POU1F1: variants seen among roughly 807,000 people sequenced by gnomAD.
The protein encoded by POU1F1 is pituitary-specific positive transcription factor 1.
A neutral mutation model predicts 32.3 loss-of-function variants in POU1F1; 23 were observed. That is an observed-to-expected ratio of 0.71 (90% CI 0.51 to 1.01). The LOEUF is 1.01. Ranked by LOEUF, POU1F1 falls within the 50% of genes least tolerant of loss-of-function variation. The probability of loss-of-function intolerance (pLI) is 0.00; values close to 1 mark genes in which losing one functional copy is unlikely to be tolerated. For synonymous variants in POU1F1, 120 were observed against 115.6 expected, an observed-to-expected ratio of 1.04 and a Z score of -0.25; for missense variants, 323 against 341.6, an observed-to-expected ratio of 0.95 and a Z score of 0.43.
At position 87,259,871 on chromosome 3, in the gene POU1F1, G is replaced by T; in HGVS notation, c.*23C>A. ...AGAAAGGAATGAAACGGGAGAAAAAGGCTATTATACAATAGAAAAATCTTA... is the reference window on the plus strand; with the variant it reads ...AGAAAGGAATGAAACGGGAGAAAAATGCTATTATACAATAGAAAAATCTTA... On this transcript the variant is annotated 3_prime_UTR_variant, in exon 6 of 6. Transcript: ENST00000350375. 6.3e-7 allele frequency: 1 copy of T among 1,582,804 alleles called. No homozygotes were observed. Among genetic ancestry groups the T allele is most frequent in the Non-Finnish European group, 8.7e-7 (1 of 1,152,062 alleles).
intron 2 of POU1F1, among the ~76,000 whole-genome samples, chr3:87,272,916 G>A (rs1157845006): frequency 1.3e-5 from 2 of 152,108 alleles, no homozygotes; most frequent in Non-Finnish European, 2.9e-5. Flanking sequence ...TGTGGTTATA[G>A]AGCACTTGAA....
chr3:87,267,298 AT>A (rs1384068358), intron 2 of POU1F1, among the ~76,000 whole-genome samples: 2 of 152,170 alleles, frequency 1.3e-5, no homozygotes, highest in African/African-American at 4.8e-5. Flanking sequence ...ATAATTTACA[AT>A]GGAGGAAATT....
intron 2 of POU1F1, among the ~76,000 whole-genome samples, chr3:87,269,720 AG>A (rs1706690947): frequency 6.6e-6 from 1 of 152,116 alleles, no homozygotes. Context: ...CTCATGAAAA[AG>A]AATTGGATGC....
At chr3:87,273,263 A>T in intron 2 of POU1F1, 84 bp downstream of exon 2, 6 of 1,369,732 alleles carry the variant, frequency 4.4e-6, no homozygotes, top group Middle Eastern at 1.9e-4. Context: ...TTCATGTCAC[A>T]CTCTGATCAC....
intron 3 of POU1F1, among the ~76,000 whole-genome samples, chr3:87,263,677 T>C (rs1407058646): frequency 6.6e-6 from 1 of 152,038 alleles, no homozygotes; most frequent in Non-Finnish European, 1.5e-5. Flanking sequence ...TTAATCATCG[T>C]GGTATCGTTT....
rs1223967543 is a variant in POU1F1, at chr3:87,261,363, A to G, written c.605-30T>C. Reference sequence around the variant, plus strand: ...AATGTGGAAAAGAGAGATAATTACAAACACAAAGTAGACTTTTTATAAAAA... The same window carrying G: ...AATGTGGAAAAGAGAGATAATTACAGACACAAAGTAGACTTTTTATAAAAA... On this transcript the variant is annotated intron_variant, in intron 4 of 5. Transcript: ENST00000350375. 68 of 1,490,620 alleles carry G rather than the reference A, an allele frequency of 4.6e-5. No individual in the cohort carries two copies. In the East Asian group the frequency reaches 1.6e-3, roughly 34 times the overall value. The allele number at this position is 1,490,620 out of a possible 1,614,324, so 92.3% of individuals were successfully genotyped here. A position where few individuals can be genotyped will look rare whatever the true frequency, so the allele number is the denominator to read the frequency against.
chr3:87,272,279 A>C (rs979636429), intron 2 of POU1F1, among the ~76,000 whole-genome samples: 10 of 152,118 alleles, frequency 6.6e-5, no homozygotes, highest in Non-Finnish European at 1.5e-4. Flanking sequence ...TAATAAAGAT[A>C]AAATATCAAA....
At position 87,259,754 on chromosome 3, in the gene POU1F1, T is replaced by TAA. The variant is rs368061882; in HGVS notation, c.*138_*139dup. 5.0e-5 allele frequency: 33 copies of TAA among 654,192 alleles called. 1 individual carries two copies. Among genetic ancestry groups the TAA allele is most frequent in the Admixed American group, 3.9e-4 (13 of 33,764 alleles). 40.5% of individuals were successfully genotyped at this position (654,192 alleles called of 1,614,324 possible). On this transcript the variant is annotated 3_prime_UTR_variant, in exon 6 of 6. Transcript: ENST00000350375. ...ATTTAAATTGTTGGTTTCTTTTTTTTAAAAAAAAGTGGAAAAGTAAAGCTT... is the reference window on the plus strand; with the variant it reads ...ATTTAAATTGTTGGTTTCTTTTTTTTAAAAAAAAAAGTGGAAAAGTAAAGCTT...
intron 3 of POU1F1, among the ~76,000 whole-genome samples, chr3:87,263,263 C>T (rs1246745585): frequency 2.0e-5 from 3 of 152,016 alleles, no homozygotes; most frequent in African/African-American, 7.2e-5. Flanking sequence ...AAATAATATA[C>T]TTTACACTCA....
At chr3:87,275,033 T>C (rs997719276) in intron 1 of POU1F1, among the ~76,000 whole-genome samples, 2 of 151,932 alleles carry the variant, frequency 1.3e-5, no homozygotes, top group Non-Finnish European at 2.9e-5. Context: ...ACAGAAATAG[T>C]GTATTATTCT....
Position 87,276,581 on chromosome 3 carries a change from C to G in POU1F1, c.-119G>C, listed in dbSNP as rs1706833225. 8.3e-7 allele frequency: 1 copy of G among 1,201,668 alleles called. No individual in the cohort carries two copies. The highest frequency in any genetic ancestry group is 1.2e-6 in the Non-Finnish European group (1 of 838,142). 74.4% of individuals were successfully genotyped at this position (1,201,668 alleles called of 1,614,324 possible). ...TACCTGCATATATACATCAGGAAGG[C>G]TCTGAGGCACCAGGAGGGTGCGCGC... On this transcript the variant is annotated 5_prime_UTR_variant, in exon 1 of 6. Coordinates refer to ENST00000350375, the MANE Select transcript of POU1F1 (RefSeq NM_000306.4).
At chr3:87,275,372 A>G (rs888970953) in intron 1 of POU1F1, among the ~76,000 whole-genome samples, 1 of 152,048 alleles carries the variant, frequency 6.6e-6, no homozygotes, top group Non-Finnish European at 1.5e-5. Flanking sequence ...GCTTAATAAT[A>G]ACAAAAGATA....
At chr3:87,268,433 T>A (rs537850019) in intron 2 of POU1F1, among the ~76,000 whole-genome samples, 1 of 152,012 alleles carries the variant, frequency 6.6e-6, no homozygotes, top group African/African-American at 2.4e-5. Context: ...TGCATGAAAG[T>A]ATCTACAATT....
intron 2 of POU1F1, among the ~76,000 whole-genome samples, chr3:87,265,874 C>G (rs1254505286): frequency 6.6e-6 from 1 of 151,310 alleles, no homozygotes; most frequent in Non-Finnish European, 1.5e-5. Flanking sequence ...AACCAATGTG[C>G]CACATAGAAG....
intron 3 of POU1F1, among the ~76,000 whole-genome samples, chr3:87,263,373 C>G (rs1706545968): frequency 6.6e-6 from 1 of 151,988 alleles, no homozygotes; most frequent in African/African-American, 2.4e-5. Context: ...TTCTTTCAAC[C>G]ACCATTTATT....
chr3:87,268,727 C>T (rs1401460202), intron 2 of POU1F1, among the ~76,000 whole-genome samples: 3 of 152,066 alleles, frequency 2.0e-5, no homozygotes, highest in Admixed American at 2.0e-4. Flanking sequence ...TATCTTGAGG[C>T]CTGGACAGCA....
intron 5 of POU1F1, among the ~76,000 whole-genome samples, chr3:87,260,720 C>T (rs1388836745): frequency 6.6e-6 from 1 of 152,026 alleles, no homozygotes; most frequent in Non-Finnish European, 1.5e-5. Context: ...TATGGCCAGT[C>T]TCTTAGAAAT....
At chr3:87,271,846 C>T (rs1205659586) in intron 2 of POU1F1, among the ~76,000 whole-genome samples, 3 of 152,064 alleles carry the variant, frequency 2.0e-5, no homozygotes, top group Non-Finnish European at 4.4e-5. Flanking sequence ...TTGTTAAGAA[C>T]ACCAGTCTTC....
At chr3:87,263,226 G>T (rs369214770) in intron 3 of POU1F1, among the ~76,000 whole-genome samples, 1 of 151,862 alleles carries the variant, frequency 6.6e-6, no homozygotes, top group Non-Finnish European at 1.5e-5. Flanking sequence ...CACAGAAAAG[G>T]AAATATAAAT....
Sources: gnomAD v4.1 joint callset for allele counts (sites outside exome capture counted in the v4.1 genomes callset) on GRCh38, gnomAD v4.1.1 for gene constraint, MANE v1.5 for transcripts, NCBI Gene and HGNC (gene_info 2026-07-23, HGNC 2026-07-21) for gene names.